Variants in RIC8B observed in about 807,000 individuals in gnomAD.
RIC8B encodes RIC8 guanine nucleotide exchange factor B.
In RIC8B, 16 loss-of-function variants were observed where a neutral mutation model predicts 57.5. The observed-to-expected ratio is 0.28, with a 90% confidence interval of 0.19 to 0.42. The LOEUF (loss-of-function observed/expected upper bound fraction) is 0.42, where lower values mean the gene tolerates loss of function less well. RIC8B is among the 10% of genes least tolerant of loss of function. RIC8B has a pLI of 1.00. For missense variants in RIC8B, 481 were observed against 677.0 expected, an observed-to-expected ratio of 0.71 and a Z score of 3.21; for synonymous variants, 216 against 250.8, an observed-to-expected ratio of 0.86 and a Z score of 1.31.
In RIC8B at chr12:106,815,234, C is replaced by T; in HGVS notation, c.671C>T (p.Thr224Ile). 1 of 1,614,120 alleles carries T rather than the reference C, an allele frequency of 6.2e-7. No homozygotes were observed. Among genetic ancestry groups the T allele is most frequent in the Non-Finnish European group, 8.5e-7 (1 of 1,179,968 alleles). Residue 224 changes from threonine to isoleucine, a missense_variant, in exon 3 of 10, where the codon ACA becomes ATA. Thr to Ile is a moderately conservative substitution (Grantham distance 89, BLOSUM62 -1). This residue lies in a region of RIC8B where 421 missense variants were observed against 560.9 expected (regional missense o/e 0.75). Transcript: ENST00000392837. The part of the protein sequence containing the change: ...HNGPPLSPQE[T>I]DCAIEALKAL... ...GGACCTCCTCTCTCACCTCAGGAGA[C>T]AGACTGTGCCATTGAGGCCCTCAAA...
At position 106,796,292 on chromosome 12, in the gene RIC8B, C is replaced by T. The variant is rs187979364; in HGVS notation, c.132+12248C>T. The stretch of plus-strand genomic sequence containing the variant: ...GTGGCTCACACCTATAATCCCAGCA[C>T]GTTAGGAGGCCGAGGTGGGAGGGTC... On this transcript the variant is annotated intron_variant, in intron 2 of 9. Coordinates refer to ENST00000392837, the MANE Select transcript of RIC8B (RefSeq NM_001330145.2). Among the ~76,000 whole-genome samples the T allele has an allele frequency of 2.4e-4, 37 of 152,256 alleles. No homozygotes were observed. In the East Asian group the frequency reaches 6.0e-3, roughly 25 times the overall value.
At chr12:106,851,843 C>A (rs1043859674) in intron 7 of RIC8B, among the ~76,000 whole-genome samples, 1 of 152,172 alleles carries the variant, frequency 6.6e-6, no homozygotes, top group African/African-American at 2.4e-5. Flanking sequence ...CCTTCTGTAT[C>A]CTTAACCCAG....
At chr12:106,885,845 GGT>G (rs1364669165) in intron 9 of RIC8B, 57 bp from the exon 10 acceptor site, 60 of 1,045,492 alleles carry the variant, frequency 5.7e-5, no homozygotes, top group African/African-American at 7.9e-5. Flanking sequence ...GGGGGGGAGG[GGT>G]GTGTGTGTGA....
rs1466907282 is a variant in RIC8B at position 106,888,255 on chromosome 12, G to A, written c.*2240G>A. 1 of 152,194 alleles carries A rather than the reference G, an allele frequency of 6.6e-6. No individual in the cohort carries two copies. The highest frequency in any genetic ancestry group is 1.5e-5 in the Non-Finnish European group (1 of 68,054). The allele number at this position is 152,194 out of a possible 1,614,324, so 9.4% of individuals were successfully genotyped here. A position where few individuals can be genotyped will look rare whatever the true frequency, so the allele number is the denominator to read the frequency against. ...GTTCTGTTTCATTTTGCATTTCTCT[G>A]CACTGGGCACTAAGCTTTGTTTTTG... On this transcript the variant is annotated 3_prime_UTR_variant, in exon 10 of 10. Transcript: ENST00000392837.
In RIC8B at chr12:106,826,617, A is replaced by G. The variant is rs138215010; in HGVS notation, c.836+797A>G. Among the ~76,000 whole-genome samples, 1,444 of 152,222 alleles carry G rather than the reference A, an allele frequency of 9.5e-3. 11 individuals are homozygous for G. Among genetic ancestry groups the G allele is most frequent in the Non-Finnish European group, 0.016 (1,103 of 68,012 alleles). On this transcript the variant is annotated intron_variant, in intron 4 of 9. Transcript: ENST00000392837. ...AAAAATACAAAAAAAGTAGCTGGGC[A>G]TGGTGGCACATGCCTGTAATCCTAG... is the stretch of plus-strand genomic sequence containing the variant.
intron 9 of RIC8B, among the ~76,000 whole-genome samples, chr12:106,882,943 A>G (rs539051801): frequency 6.6e-6 from 1 of 152,304 alleles, no homozygotes; most frequent in South Asian, 2.1e-4. Context: ...TGGCCATAAA[A>G]CTAATATTTT....
At chr12:106,871,143 C>T (rs1245214474) in intron 9 of RIC8B, 3 of 413,632 alleles carry the variant, frequency 7.3e-6, no homozygotes, top group East Asian at 3.5e-5. Flanking sequence ...CATTCCTAAA[C>T]ATTTAAACTC....
At chr12:106,871,072 G>A in intron 9 of RIC8B, 130 bp downstream of exon 9, 1 of 819,456 alleles carries the variant, frequency 1.2e-6, no homozygotes, top group African/African-American at 1.7e-5. Context: ...GGCCCAGGCA[G>A]CAGTAGTTCA....
chr12:106,842,475 AAAG>A, intron 4 of RIC8B, 111 bp from the exon 5 acceptor site: 1 of 800,016 alleles, frequency 1.2e-6, no homozygotes, highest in South Asian at 1.9e-5. Context: ...CATTTTTGGA[AAAG>A]AAATATTTTA....
At chr12:106,825,086 G>A (rs2046035309) in intron 3 of RIC8B, among the ~76,000 whole-genome samples, 1 of 152,134 alleles carries the variant, frequency 6.6e-6, no homozygotes, top group Admixed American at 6.5e-5. Context: ...ATTAAAGCAG[G>A]TGTAATGGCC....
Position 106,843,798 on chromosome 12 carries a change from C to T in RIC8B, c.1066-54C>T. 2.5e-6 allele frequency: 3 copies of T among 1,188,758 alleles called. No homozygotes were observed. In the East Asian group the frequency reaches 8.1e-5, roughly 32 times the overall value. 73.6% of individuals were successfully genotyped at this position (1,188,758 alleles called of 1,614,324 possible). On this transcript the variant is annotated intron_variant, in intron 5 of 9. Coordinates refer to ENST00000392837, the MANE Select transcript of RIC8B (RefSeq NM_001330145.2). ...CTCAGTTACATGAAGGAAAGTAATA[C>T]TGTTAGAAACAAAACTAACGTATTT... is the stretch of plus-strand genomic sequence containing the variant.
intron 4 of RIC8B, among the ~76,000 whole-genome samples, chr12:106,828,594 C>T (rs1422172231): frequency 2.0e-5 from 3 of 152,134 alleles, no homozygotes; most frequent in African/African-American, 7.2e-5. Flanking sequence ...GCGTTATCAT[C>T]AAACCCAAAG....
chr12:106,794,489 A>C (rs2044389735), intron 2 of RIC8B, among the ~76,000 whole-genome samples: 1 of 152,246 alleles, frequency 6.6e-6, no homozygotes, highest in Non-Finnish European at 1.5e-5. Context: ...AATACATCAT[A>C]GTAAAAATGC....
intron 9 of RIC8B, among the ~76,000 whole-genome samples, chr12:106,872,629 T>C (rs146138038): frequency 0.012 from 1,745 of 148,728 alleles, 19 homozygotes; most frequent in Middle Eastern, 0.048. Flanking sequence ...GGTCGCACCA[T>C]TGCACTCCAG....
At chr12:106,883,729 C>T (rs915758089) in intron 9 of RIC8B, among the ~76,000 whole-genome samples, 1 of 151,718 alleles carries the variant, frequency 6.6e-6, no homozygotes, top group African/African-American at 2.4e-5. Flanking sequence ...CCCCTAATGA[C>T]TTGTCTATCT....
At chr12:106,823,247 GTCT>G (rs1300387213) in intron 3 of RIC8B, 1 of 255,872 alleles carries the variant, frequency 3.9e-6, no homozygotes, top group African/African-American at 2.2e-5. Flanking sequence ...AGAAAAAAGA[GTCT>G]TCTCGGAGAA....
At chr12:106,794,974 A>T (rs1420373422) in intron 2 of RIC8B, among the ~76,000 whole-genome samples, 1 of 152,220 alleles carries the variant, frequency 6.6e-6, no homozygotes, top group Non-Finnish European at 1.5e-5. Flanking sequence ...AGTAATATAG[A>T]GAAATGTAAT....
intron 8 of RIC8B, among the ~76,000 whole-genome samples, chr12:106,869,792 A>G (rs1489792222): frequency 6.6e-6 from 1 of 152,108 alleles, no homozygotes; most frequent in East Asian, 1.9e-4. Context: ...TACAAAAATT[A>G]GCCAGGCGTG....
chr12:106,783,024 A>G (rs569878034), intron 1 of RIC8B, among the ~76,000 whole-genome samples: 2 of 152,306 alleles, frequency 1.3e-5, no homozygotes, highest in South Asian at 2.1e-4. Flanking sequence ...TTTTTGGGGT[A>G]CCATTGTTCT....
Sources: allele counts gnomAD v4.1 joint callset (sites outside exome capture counted in the v4.1 genomes callset), GRCh38; gene constraint gnomAD v4.1.1; regional missense constraint gnomAD v4.1.1; transcripts MANE v1.5; gene names NCBI Gene and HGNC (gene_info 2026-07-23, HGNC 2026-07-21).